DACH2: variants seen among roughly 807,000 people sequenced by gnomAD.
DACH2 encodes the protein dachshund family transcription factor 2.
Under a neutral mutation model 35.8 loss-of-function variants are expected in DACH2, and 17 were observed. The observed-to-expected ratio is 0.48, with a 90% CI of 0.33 to 0.71. The LOEUF (loss-of-function observed/expected upper bound fraction) is 0.71, where lower values mean the gene tolerates loss of function less well. DACH2 is among the 30% of genes least tolerant of loss of function. The pLI is 0.02. For missense variants in DACH2, 469 were observed against 472.7 expected (o/e 0.99, Z 0.07); for synonymous variants, 195 against 177.3 (o/e 1.10, Z -0.79).
At chrX:86,552,091 G>A (rs971352278) in intron 3 of DACH2, among the ~76,000 whole-genome samples, 1 of 111,690 alleles carries the variant, frequency 9.0e-6, no homozygotes, top group East Asian at 2.8e-4. Flanking sequence ...CTTTATATGA[G>A]TAAATTGATC....
intron 2 of DACH2, among the ~76,000 whole-genome samples, chrX:86,456,487 C>A (rs2148204159): frequency 9.0e-6 from 1 of 111,401 alleles, no homozygotes; most frequent in South Asian, 3.7e-4. Flanking sequence ...CAAAATATTC[C>A]TAATTCCTTC....
chrX:86,321,161 T>C (rs2035008624), intron 1 of DACH2, among the ~76,000 whole-genome samples: 1 of 111,485 alleles, frequency 9.0e-6, no homozygotes, highest in Non-Finnish European at 1.9e-5. Flanking sequence ...AGCTAAGAAA[T>C]TGAAGAGGGT....
At chrX:86,571,951 G>A (rs1424830887) in intron 3 of DACH2, among the ~76,000 whole-genome samples, 1 of 110,314 alleles carries the variant, frequency 9.1e-6, no homozygotes, top group African/African-American at 3.3e-5. Context: ...GATTTTTAGG[G>A]TACAAAACTT....
chrX:86,150,414 G>A (rs1418967644), intron 1 of DACH2, among the ~76,000 whole-genome samples: 1 of 112,501 alleles, frequency 8.9e-6, no homozygotes, highest in Non-Finnish European at 1.9e-5. Context: ...AATCCAAATT[G>A]CCATGTATAG....
chrX:86,700,851 G>A (rs1188331834), intron 5 of DACH2, among the ~76,000 whole-genome samples: 1 of 111,556 alleles, frequency 9.0e-6, no homozygotes, highest in African/African-American at 3.3e-5. Flanking sequence ...AATTGAAGCA[G>A]TAATAAAAAG....
At chrX:86,747,749 G>A (rs1233697039) in intron 7 of DACH2, among the ~76,000 whole-genome samples, 1 of 111,466 alleles carries the variant, frequency 9.0e-6, no homozygotes, top group Non-Finnish European at 1.9e-5. Context: ...AGGTTGGGGT[G>A]GCTGTGGAAA....
At chrX:86,653,333 C>T (rs990992745) in intron 4 of DACH2, among the ~76,000 whole-genome samples, 4 of 111,405 alleles carry the variant, frequency 3.6e-5, no homozygotes, top group South Asian at 3.7e-4. Flanking sequence ...TTACTGTATC[C>T]GTGTAATATA....
chrX:86,288,902 G>A (rs1412957896), intron 1 of DACH2, among the ~76,000 whole-genome samples: 4 of 111,506 alleles, frequency 3.6e-5, no homozygotes, highest in Non-Finnish European at 7.5e-5. Flanking sequence ...GGTACCTAAG[G>A]TAGTGAGACA....
At chrX:86,194,284 GAAACTTATATACTCACTAA>G (rs1161876000) in intron 1 of DACH2, among the ~76,000 whole-genome samples, 2 of 111,726 alleles carry the variant, frequency 1.8e-5, no homozygotes, top group African/African-American at 6.5e-5. Flanking sequence ...TCTTCATGAA[GAAACTTATATACTCACTAA>G]AATGTATTCT....
chrX:86,274,031 A>G (rs1048625783), intron 1 of DACH2, among the ~76,000 whole-genome samples: 2 of 112,158 alleles, frequency 1.8e-5, no homozygotes, highest in Admixed American at 1.9e-4. Context: ...TTTCAAGGTC[A>G]GCATTTCTTG....
intron 2 of DACH2, among the ~76,000 whole-genome samples, chrX:86,477,688 C>T (rs1286955702): frequency 9.0e-6 from 1 of 110,567 alleles, no homozygotes; most frequent in Non-Finnish European, 1.9e-5. Flanking sequence ...TAAGGACTTA[C>T]TCCTGCCATT....
chrX:86,304,011 G>A (rs921747508), intron 1 of DACH2, among the ~76,000 whole-genome samples: 1 of 111,413 alleles, frequency 9.0e-6, no homozygotes, highest in Admixed American at 9.6e-5. Flanking sequence ...AAAACAGCAT[G>A]CCATTGACAT....
chrX:86,422,404 G>T (rs776710392), intron 2 of DACH2, among the ~76,000 whole-genome samples: 5 of 110,801 alleles, frequency 4.5e-5, no homozygotes, highest in Non-Finnish European at 7.6e-5. Context: ...GTTGATAATA[G>T]CATTGCCAAT....
In DACH2 at chrX:86,527,158, G is replaced by T. The variant is rs2038645631; in HGVS notation, c.640+12767G>T. Among the ~76,000 whole-genome samples, 3 of 111,266 alleles carry T rather than the reference G, an allele frequency of 2.7e-5. No individual in the cohort carries two copies. The Admixed American group carries it at 2.9e-4, about 11-fold the overall frequency. ...GATGTCTGCCTATCTATAGTTATTT[G>T]AGAAGACTAAGGTCCTTGTTAACAA... On this transcript the variant is annotated intron_variant, in intron 3 of 11. Coordinates refer to ENST00000373125, the MANE Select transcript of DACH2 (RefSeq NM_053281.3).
chrX:86,175,925 TA>T (rs779056896), intron 1 of DACH2, among the ~76,000 whole-genome samples: 2 of 111,317 alleles, frequency 1.8e-5, no homozygotes, highest in African/African-American at 6.5e-5. Flanking sequence ...AGTAAATTAT[TA>T]AAAAAACTTT....
chrX:86,831,760 G>T (rs1285792503), intron 11 of DACH2: 2 of 122,994 alleles, frequency 1.6e-5, no homozygotes, highest in Non-Finnish European at 3.2e-5. Flanking sequence ...CCCCTGTTTT[G>T]GTAAACCACA....
chrX:86,765,698 GTTTTTTTTT>G (rs60709865), intron 7 of DACH2, among the ~76,000 whole-genome samples: 2 of 24,637 alleles, frequency 8.1e-5, no homozygotes, highest in African/African-American at 3.5e-4. Context: ...TTGTTTTTTG[GTTTTTTTTT>G]TTTTTTTTTT....
At chrX:86,590,656 G>A (rs780585399) in intron 3 of DACH2, among the ~76,000 whole-genome samples, 1 of 111,494 alleles carries the variant, frequency 9.0e-6, no homozygotes, top group African/African-American at 3.3e-5. Flanking sequence ...GCTTTCCGAT[G>A]TTTCTATCAT....
intron 3 of DACH2, among the ~76,000 whole-genome samples, chrX:86,615,971 T>C (rs1375156616): frequency 9.0e-6 from 1 of 110,829 alleles, no homozygotes; most frequent in African/African-American, 3.3e-5. Context: ...GTCTCCCTCA[T>C]TGTGTCCATG....
Sources: gnomAD v4.1 joint callset for allele counts (sites outside exome capture counted in the v4.1 genomes callset) on GRCh38, gnomAD v4.1.1 for gene constraint, MANE v1.5 for transcripts, NCBI Gene and HGNC (gene_info 2026-07-23, HGNC 2026-07-21) for gene names.